KCNK12: variants seen among roughly 807,000 people sequenced by gnomAD.
KCNK12 encodes potassium two pore domain channel subfamily K member 12, also known as potassium channel subfamily K member 12.
KCNK12 carries 6 observed loss-of-function variants against 25.3 expected under a neutral mutation model. The observed-to-expected ratio is 0.24, with a 90% CI of 0.13 to 0.47. The LOEUF is 0.47. Among genes scored for constraint, KCNK12 ranks in the 20% least tolerant of loss-of-function variants. The probability of loss-of-function intolerance (pLI) is 0.99; values close to 1 mark genes in which losing one functional copy is unlikely to be tolerated. For missense variants in KCNK12, 444 were observed against 661.7 expected (o/e 0.67, Z 3.61); for synonymous variants, 331 against 311.1 (o/e 1.06, Z -0.67).
In KCNK12 at chr2:47,562,811, C is replaced by T. The variant is rs1054524597; in HGVS notation, c.391+7130G>A. On this transcript the variant is annotated intron_variant, in intron 1 of 1. Coordinates refer to ENST00000327876, the MANE Select transcript of KCNK12 (RefSeq NM_022055.2). This position sits in a 1 kb window ranked among gnomAD's most constrained non-coding sequence, Gnocchi z 4.8. ...CAACTCTCCCCGTGTAGAAACTCTG[C>T]AGAGAGTATGACCGTGTCTCTTAAA... The T allele has an allele frequency of 4.3e-6, 1 of 233,124 alleles. No homozygotes were observed. Among genetic ancestry groups the T allele is most frequent in the Non-Finnish European group, 8.5e-6 (1 of 118,030 alleles). The allele number at this position is 233,124 out of a possible 1,614,324, so 14.4% of individuals were successfully genotyped here. A position where few individuals can be genotyped will look rare whatever the true frequency, so the allele number is the denominator to read the frequency against.
chr2:47,522,334 C>T (rs1668677281), intron 1 of KCNK12, among the ~76,000 whole-genome samples: 1 of 152,194 alleles, frequency 6.6e-6, no homozygotes, highest in Non-Finnish European at 1.5e-5. Flanking sequence ...TATCTAGCTT[C>T]TTATGTGCTT....
At chr2:47,549,420 A>C (rs909690169) in intron 1 of KCNK12, among the ~76,000 whole-genome samples, 19 of 152,222 alleles carry the variant, frequency 1.2e-4, no homozygotes, top group Non-Finnish European at 2.8e-4. Flanking sequence ...TCTGATCTCT[A>C]ATAAAAAATC....
At chr2:47,567,560 G>C (rs1320444644) in intron 1 of KCNK12, among the ~76,000 whole-genome samples, 1 of 152,210 alleles carries the variant, frequency 6.6e-6, no homozygotes, top group African/African-American at 2.4e-5. Context: ...TCTGACTGAT[G>C]GAAGTGACCA....
At chr2:47,552,071 G>A (rs1011032399) in intron 1 of KCNK12, among the ~76,000 whole-genome samples, 16 of 152,154 alleles carry the variant, frequency 1.1e-4, no homozygotes, top group Non-Finnish European at 1.8e-4. Flanking sequence ...TGCTGGCTCC[G>A]AGTCTGCAGC....
At chr2:47,552,695 G>A (rs1007552891) in intron 1 of KCNK12, among the ~76,000 whole-genome samples, 3 of 152,084 alleles carry the variant, frequency 2.0e-5, no homozygotes, top group Admixed American at 1.3e-4. Context: ...TTGAACCCAG[G>A]AGGCAGAGGT....
At position 47,529,539 on chromosome 2, in the gene KCNK12, C is replaced by T. The variant is rs909727754; in HGVS notation, c.392-7731G>A. ...CAGCTCTCTCCTTACCAATCATTCT[C>T]CCAGCCTGTACTATATTGAGTAGCA... On this transcript the variant is annotated intron_variant, in intron 1 of 1. Coordinates refer to ENST00000327876, the MANE Select transcript of KCNK12 (RefSeq NM_022055.2). This position sits in a 1 kb window ranked among gnomAD's most constrained non-coding sequence, Gnocchi z 4.3. Among the ~76,000 whole-genome samples, 1 of 152,218 alleles carries T rather than the reference C, an allele frequency of 6.6e-6. No individual in the cohort carries two copies. Among genetic ancestry groups the T allele is most frequent in the Non-Finnish European group, 1.5e-5 (1 of 68,046 alleles).
At chr2:47,531,439 C>T (rs931346254) in intron 1 of KCNK12, among the ~76,000 whole-genome samples, 1 of 151,700 alleles carries the variant, frequency 6.6e-6, no homozygotes, top group Non-Finnish European at 1.5e-5. Flanking sequence ...CACCCTTGCA[C>T]TCCAGCCTGG....
chr2:47,521,024 C>A lies in KCNK12; in HGVS notation c.1176G>T (p.Thr392=). The change falls in exon 2 of 2, where the codon ACG becomes ACT. Residue 392 remains threonine, a synonymous_variant. Coordinates refer to ENST00000327876, the MANE Select transcript of KCNK12 (RefSeq NM_022055.2). ...ACACGCTGCGCGGGTAGCCGTTGGC[C>A]GTCTCCGACAGCTGCTTCTGCAGCA... The part of the protein sequence containing the change: ...LALLQKQLSE[T]ANGYPRSVCV... 7.1e-7 allele frequency: 1 copy of A among 1,398,772 alleles called. No individual in the cohort carries two copies. Among genetic ancestry groups the A allele is most frequent in the East Asian group, 3.1e-5 (1 of 32,586 alleles). The allele number at this position is 1,398,772 out of a possible 1,614,324, so 86.6% of individuals were successfully genotyped here. A position where few individuals can be genotyped will look rare whatever the true frequency, so the allele number is the denominator to read the frequency against.
At chr2:47,537,595 C>T (rs1426563142) in intron 1 of KCNK12, among the ~76,000 whole-genome samples, 1 of 152,200 alleles carries the variant, frequency 6.6e-6, no homozygotes, top group Admixed American at 6.5e-5. Flanking sequence ...TCCCAAAGTG[C>T]TGGGATTACA....
chr2:47,569,892 C>A lies in KCNK12; in HGVS notation c.391+49G>T. 1 of 1,286,498 alleles carries A rather than the reference C, an allele frequency of 7.8e-7. No homozygotes were observed. The allele number at this position is 1,286,498 out of a possible 1,614,324, so 79.7% of individuals were successfully genotyped here. Reference sequence around the variant, plus strand: ...AGCGGCCGAGCAGTGGAAAGGGCGGCAGGTGAAAGGCACAGAGAGGAAAGA... The same window carrying A: ...AGCGGCCGAGCAGTGGAAAGGGCGGAAGGTGAAAGGCACAGAGAGGAAAGA... On this transcript the variant is annotated intron_variant, in intron 1 of 1. Transcript: ENST00000327876. This position sits in a 1 kb window ranked among gnomAD's most constrained non-coding sequence, Gnocchi z 4.1.
chr2:47,547,724 A>C lies in KCNK12; in HGVS notation c.391+22217T>G, dbSNP rs990472862. ...GCGAGTCTCCTGCCTCAGCCTCCCA[A>C]ATAGCTGGGATTAGAGGCATCTGCC... is the stretch of plus-strand genomic sequence containing the variant. On this transcript the variant is annotated intron_variant, in intron 1 of 1. Coordinates refer to ENST00000327876, the MANE Select transcript of KCNK12 (RefSeq NM_022055.2). This position sits in a 1 kb window ranked among gnomAD's most constrained non-coding sequence, Gnocchi z 5.0. 3.9e-5 allele frequency among the ~76,000 whole-genome samples: 6 copies of C among 152,026 alleles called. No homozygotes were observed. Among genetic ancestry groups the C allele is most frequent in the African/African-American group, 1.4e-4 (6 of 41,380 alleles).
chr2:47,545,372 G>C (rs375555861), intron 1 of KCNK12, among the ~76,000 whole-genome samples: 152 of 152,358 alleles, frequency 1.0e-3, no homozygotes, highest in African/African-American at 3.4e-3. Context: ...CCACACTTGG[G>C]CTTGGAAAGG....
In KCNK12 at chr2:47,523,631, A is replaced by G. The variant is rs966629162; in HGVS notation, c.392-1823T>C. On this transcript the variant is annotated intron_variant, in intron 1 of 1. Coordinates refer to ENST00000327876, the MANE Select transcript of KCNK12 (RefSeq NM_022055.2). ...TGCAGAGTGGCAGCTCTGCCTCTCA[A>G]CTGAGCTCCCTGCCCAGTGCTGGCT... Among the ~76,000 whole-genome samples the G allele has an allele frequency of 8.5e-5, 13 of 152,304 alleles. 1 individual carries two copies. The highest frequency in any genetic ancestry group is 2.9e-4 in the African/African-American group (12 of 41,578).
Position 47,557,117 on chromosome 2 carries a change from C to T in KCNK12, c.391+12824G>A, listed in dbSNP as rs1669566099. ...CTGGCAACCCCAATGACAGAGCTTG[C>T]TATGGTTTGAATGTCTCCTCCAAAA... On this transcript the variant is annotated intron_variant, in intron 1 of 1. Transcript: ENST00000327876. The surrounding 1 kb of genome is among the most constrained non-coding windows in gnomAD (Gnocchi z 4.9). Among the ~76,000 whole-genome samples, 2 of 152,162 alleles carry T rather than the reference C, an allele frequency of 1.3e-5. No individual in the cohort carries two copies. The highest frequency in any genetic ancestry group is 4.1e-4 in the South Asian group (2 of 4,830).
rs1323391721 is a variant in KCNK12 at position 47,566,518 on chromosome 2, C to T, written c.391+3423G>A. Reference sequence around the variant, plus strand: ...TAGACCACAGTTTGCCAGAAGTTCTCCTACTTGCTAGTACCCCATCTCTGC... The same window carrying T: ...TAGACCACAGTTTGCCAGAAGTTCTTCTACTTGCTAGTACCCCATCTCTGC... On this transcript the variant is annotated intron_variant, in intron 1 of 1. Coordinates refer to ENST00000327876, the MANE Select transcript of KCNK12 (RefSeq NM_022055.2). This position sits in a 1 kb window ranked among gnomAD's most constrained non-coding sequence, Gnocchi z 4.1. 1 of 152,136 alleles carries T rather than the reference C, an allele frequency of 6.6e-6. No individual in the cohort carries two copies. Among genetic ancestry groups the T allele is most frequent in the Non-Finnish European group, 1.5e-5 (1 of 68,028 alleles). The allele number at this position is 152,136 out of a possible 1,614,324, so 9.4% of individuals were successfully genotyped here. A position where few individuals can be genotyped will look rare whatever the true frequency, so the allele number is the denominator to read the frequency against.
chr2:47,535,651 T>C (rs1308749008), intron 1 of KCNK12, among the ~76,000 whole-genome samples: 4 of 152,098 alleles, frequency 2.6e-5, no homozygotes, highest in Non-Finnish European at 5.9e-5. Context: ...GAGCAGCTCC[T>C]GGGGGAGGTG....
chr2:47,556,665 G>T lies in KCNK12; in HGVS notation c.391+13276C>A, dbSNP rs1352284779. Among the ~76,000 whole-genome samples the T allele has an allele frequency of 6.6e-6, 1 of 152,162 alleles. No individual in the cohort carries two copies. Among genetic ancestry groups the T allele is most frequent in the Non-Finnish European group, 1.5e-5 (1 of 68,030 alleles). ...AGGGGTACAACATAGGGAGAGAGGG[G>T]CAAGGAAGTTAAGGGTCTCTGAAAA... On this transcript the variant is annotated intron_variant, in intron 1 of 1. Transcript: ENST00000327876. The surrounding 1 kb of genome is among the most constrained non-coding windows in gnomAD (Gnocchi z 4.8).
rs1198629850 is a variant in KCNK12 at position 47,565,541 on chromosome 2, C to T, written c.391+4400G>A. On this transcript the variant is annotated intron_variant, in intron 1 of 1. Coordinates refer to ENST00000327876, the MANE Select transcript of KCNK12 (RefSeq NM_022055.2). This position sits in a 1 kb window ranked among gnomAD's most constrained non-coding sequence, Gnocchi z 5.0. ...TGATTTTAGCTTTATAGCTAAAAAA[C>T]GCTGCCAGAAAACCTAATAAAAGGA... 2 of 152,146 alleles carry T rather than the reference C, an allele frequency of 1.3e-5. No individual in the cohort carries two copies. The highest frequency in any genetic ancestry group is 2.4e-5 in the African/African-American group (1 of 41,450). The allele number at this position is 152,146 out of a possible 1,614,324, so 9.4% of individuals were successfully genotyped here.
intron 1 of KCNK12, among the ~76,000 whole-genome samples, chr2:47,550,537 C>G (rs1255722626): frequency 6.6e-6 from 1 of 151,838 alleles, no homozygotes; most frequent in Non-Finnish European, 1.5e-5. Context: ...CGTGTCCCAC[C>G]ATGCCCGGCT....
Sources: gnomAD v4.1 joint callset for allele counts (sites outside exome capture counted in the v4.1 genomes callset) on GRCh38, gnomAD v4.1.1 for gene constraint, Gnocchi (gnomAD v3.1) non-coding constraint, MANE v1.5 for transcripts, NCBI Gene and HGNC (gene_info 2026-07-23, HGNC 2026-07-21) for gene names.